RTCB: variants seen among roughly 807,000 people sequenced by gnomAD.
The protein encoded by RTCB is RNA 2',3'-cyclic phosphate and 5'-OH ligase.
A neutral mutation model predicts 58.2 loss-of-function variants in RTCB; 32 were observed. The observed-to-expected ratio is 0.55, with a 90% confidence interval of 0.41 to 0.74. RTCB has a LOEUF of 0.74. RTCB is among the 30% of genes least tolerant of loss of function. RTCB has a pLI of 0.00. For missense variants in RTCB, 523 were observed against 639.0 expected (o/e 0.82, Z 1.96); for synonymous variants, 247 against 218.6 (o/e 1.13, Z -1.15).
chr22:32,412,016 G>A, intron 1 of RTCB, 48 bp downstream of exon 1: 1 of 1,487,462 alleles, frequency 6.7e-7, no homozygotes, highest in Admixed American at 1.8e-5. Flanking sequence ...CGCCGGCCGG[G>A]CCGGGGACGG....
chr22:32,393,080 G>A (rs1319937165), intron 10 of RTCB, among the ~76,000 whole-genome samples: 1 of 152,170 alleles, frequency 6.6e-6, no homozygotes, highest in Admixed American at 6.5e-5. Flanking sequence ...ATGACTACAG[G>A]TGTGCCACCA....
rs1933431375 is a variant in RTCB at position 32,406,749 on chromosome 22, GC to G, written c.252del (p.Leu85PhefsTer20). 6.2e-7 allele frequency: 1 copy of G among 1,609,524 alleles called. No individual in the cohort carries two copies. Among genetic ancestry groups the G allele is most frequent in the Admixed American group, 1.7e-5 (1 of 59,956 alleles). On this transcript the variant is annotated frameshift_variant, in exon 4 of 12. Coordinates refer to ENST00000216038, the MANE Select transcript of RTCB (RefSeq NM_014306.5). LOFTEE classifies it high-confidence loss of function. Reference protein sequence around the residue: ...ALPGIVHRSIGLPDVHSGYGF... With the variant: ...ALPGIVHRSIXLPDVHSGYGF... ...CCATATCCTGAATGGACATCAGGAA[GC>G]CCAATAGATCGCTGAAAAAGAATTA... is the stretch of plus-strand genomic sequence containing the variant.
chr22:32,411,365 C>G (rs931115590), intron 1 of RTCB, among the ~76,000 whole-genome samples: 2 of 152,066 alleles, frequency 1.3e-5, no homozygotes, highest in Non-Finnish European at 2.9e-5. Flanking sequence ...AGATACAGAG[C>G]CCAGGCTTTC....
At chr22:32,406,208 C>T (rs1429479467) in intron 4 of RTCB, among the ~76,000 whole-genome samples, 1 of 152,156 alleles carries the variant, frequency 6.6e-6, no homozygotes, top group East Asian at 1.9e-4. Context: ...CTCTCAGTAT[C>T]CACAAGCAAT....
At chr22:32,397,356 C>A (rs1933262913) in intron 7 of RTCB, among the ~76,000 whole-genome samples, 1 of 152,240 alleles carries the variant, frequency 6.6e-6, no homozygotes, top group African/African-American at 2.4e-5. Flanking sequence ...TGAGATCCAG[C>A]TCAACACTGG....
chr22:32,399,347 T>C (rs1283627251), intron 6 of RTCB, among the ~76,000 whole-genome samples: 3 of 151,940 alleles, frequency 2.0e-5, no homozygotes. Context: ...TCTTCTTATG[T>C]TGCCCAGGCT....
chr22:32,396,792 T>G (rs1933253085), intron 7 of RTCB, among the ~76,000 whole-genome samples: 1 of 152,178 alleles, frequency 6.6e-6, no homozygotes, highest in South Asian at 2.1e-4. Context: ...TATAACAATT[T>G]CCAGGCATCT....
At chr22:32,399,824 AC>A in intron 5 of RTCB, 65 bp from the exon 6 acceptor site, 1 of 1,414,086 alleles carries the variant, frequency 7.1e-7, no homozygotes, top group Non-Finnish European at 9.7e-7. Context: ...AAGGATGACC[AC>A]ATCCTTAAAG....
chr22:32,392,263 A>C lies in RTCB; in HGVS notation c.1387T>G (p.Ser463Ala). Residue 463 changes from serine to alanine, a missense_variant, in exon 11 of 12, where the codon TCA (serine) becomes GCA (alanine). Coordinates refer to ENST00000216038, the MANE Select transcript of RTCB (RefSeq NM_014306.5). ...ADMGIAIRVA[S>A]PKLVMEEAPE... ...ACCTCTTCCATAACCAGTTTGGGTG[A>C]GGCAACACGGATCGCAATTCCCATA... 1 of 1,613,144 alleles carries C rather than the reference A, an allele frequency of 6.2e-7. No homozygotes were observed.
intron 4 of RTCB, among the ~76,000 whole-genome samples, chr22:32,404,855 A>ATT (rs951047230): frequency 4.1e-4 from 57 of 139,644 alleles, no homozygotes; most frequent in Middle Eastern, 8.0e-3. Flanking sequence ...AATTTTTTGT[A>ATT]TTTTTTTTTT....
rs373254292 is a variant in RTCB, at chr22:32,412,219, G to T, written c.-63C>A. The T allele has an allele frequency of 1.6e-4, 217 of 1,392,804 alleles. No homozygotes were observed. Among genetic ancestry groups the T allele is most frequent in the Non-Finnish European group, 1.9e-4 (192 of 1,009,502 alleles). 86.3% of individuals were successfully genotyped at this position (1,392,804 alleles called of 1,614,324 possible). ...TTGAAGAGCCGCTGCCGCGTAGTCC[G>T]GCTTCTCAGAGCACCGCCTTCCAAG... is the stretch of plus-strand genomic sequence containing the variant. On this transcript the variant is annotated 5_prime_UTR_variant, in exon 1 of 12. Coordinates refer to ENST00000216038, the MANE Select transcript of RTCB (RefSeq NM_014306.5).
chr22:32,392,829 T>C (rs1289586389), intron 10 of RTCB, among the ~76,000 whole-genome samples: 13 of 152,212 alleles, frequency 8.5e-5, no homozygotes. Flanking sequence ...CTCTAGACAG[T>C]TTCTCTTTCC....
At chr22:32,410,232 G>T (rs1933497311) in intron 1 of RTCB, among the ~76,000 whole-genome samples, 1 of 152,206 alleles carries the variant, frequency 6.6e-6, no homozygotes, top group South Asian at 2.1e-4. Context: ...AGTCTAGGGA[G>T]CTGGGAGAGG....
At chr22:32,408,933 CT>C (rs1933474541) in intron 1 of RTCB, 100 bp from the exon 2 acceptor site, 7 of 816,802 alleles carry the variant, frequency 8.6e-6, no homozygotes, top group Non-Finnish European at 1.2e-5. Context: ...GTGCTTTACT[CT>C]TTACCAAACA....
chr22:32,390,459 T>G (rs1933134923), intron 11 of RTCB, among the ~76,000 whole-genome samples: 1 of 152,198 alleles, frequency 6.6e-6, no homozygotes, highest in Non-Finnish European at 1.5e-5. Context: ...AATCCTTTTT[T>G]TTTTTTTGAG....
In RTCB at chr22:32,406,638, A is replaced by C. The variant is rs1486560456; in HGVS notation, c.340+24T>G. 1.5e-5 allele frequency: 23 copies of C among 1,537,334 alleles called. No homozygotes were observed. In the East Asian group the frequency reaches 5.0e-4, roughly 33 times the overall value. ...GCCCGGCCAATGCTACACACTTAACAGCAGATGTCCACAGTGATCTTACCT... is the reference window on the plus strand; with the variant it reads ...GCCCGGCCAATGCTACACACTTAACCGCAGATGTCCACAGTGATCTTACCT... On this transcript the variant is annotated intron_variant, in intron 4 of 11. Coordinates refer to ENST00000216038, the MANE Select transcript of RTCB (RefSeq NM_014306.5).
At chr22:32,394,237 G>C (rs996946750) in intron 9 of RTCB, among the ~76,000 whole-genome samples, 3 of 151,650 alleles carry the variant, frequency 2.0e-5, no homozygotes, top group African/African-American at 7.3e-5. Flanking sequence ...TCAGCCTCCC[G>C]AGTTGCTGGG....
chr22:32,405,687 C>A (rs1933407352), intron 4 of RTCB, among the ~76,000 whole-genome samples: 1 of 152,100 alleles, frequency 6.6e-6, no homozygotes, highest in Non-Finnish European at 1.5e-5. Flanking sequence ...ATTTTCTGTG[C>A]CTTCAAACAG....
At chr22:32,402,839 G>C (rs745336939) in intron 4 of RTCB, among the ~76,000 whole-genome samples, 2 of 151,982 alleles carry the variant, frequency 1.3e-5, no homozygotes, top group Admixed American at 6.6e-5. Flanking sequence ...TCGACTTCCC[G>C]GCTCCAGCAA....
Sources: gnomAD v4.1 joint callset for allele counts (sites outside exome capture counted in the v4.1 genomes callset) on GRCh38, gnomAD v4.1.1 for gene constraint, MANE v1.5 for transcripts, NCBI Gene and HGNC (gene_info 2026-07-23, HGNC 2026-07-21) for gene names.